FNDC3A: variants seen among roughly 807,000 people sequenced by gnomAD.
FNDC3A encodes the protein fibronectin type-III domain-containing protein 3A.
A neutral mutation model predicts 148.9 loss-of-function variants in FNDC3A; 32 were observed. The observed-to-expected ratio is 0.21, with a 90% confidence interval of 0.16 to 0.29. The LOEUF (loss-of-function observed/expected upper bound fraction) is 0.29. FNDC3A is among the 10% of genes least tolerant of loss of function. FNDC3A has a pLI of 1.00. For missense variants in FNDC3A, 1,191 were observed against 1,452.8 expected (o/e 0.82, Z 2.93); for synonymous variants, 472 against 473.6 (o/e 1.00, Z 0.04).
chr13:48,979,947 T>G (rs1951668403), intron 1 of FNDC3A, among the ~76,000 whole-genome samples: 2 of 152,144 alleles, frequency 1.3e-5, no homozygotes, highest in Admixed American at 6.5e-5. Flanking sequence ...GACTGCTAGG[T>G]AATAATTGGC....
intron 1 of FNDC3A, among the ~76,000 whole-genome samples, chr13:48,978,582 G>T (rs537757403): frequency 1.9e-4 from 29 of 152,154 alleles, no homozygotes; most frequent in African/African-American, 6.3e-4. Flanking sequence ...TTTGAGAATG[G>T]TGTAGGGATA....
At chr13:49,196,725 A>G (rs1886173305) in intron 19 of FNDC3A, 152 bp from the exon 20 acceptor site, 1 of 459,040 alleles carries the variant, frequency 2.2e-6, no homozygotes, top group Non-Finnish European at 3.9e-6. Context: ...AAGTCTTTTT[A>G]GTTAATGTGA....
intron 25 of FNDC3A, 30 bp from the exon 26 acceptor site, chr13:49,207,051 T>C: frequency 6.5e-7 from 1 of 1,541,940 alleles, no homozygotes; most frequent in East Asian, 2.3e-5. Context: ...CCTTCACACG[T>C]AATTCTTCCT....
At chr13:49,176,948 A>G (rs1274349450) in intron 13 of FNDC3A, among the ~76,000 whole-genome samples, 1 of 152,102 alleles carries the variant, frequency 6.6e-6, no homozygotes, top group African/African-American at 2.4e-5. Flanking sequence ...CTACAGGCAC[A>G]TGCCACCATG....
intron 1 of FNDC3A, among the ~76,000 whole-genome samples, chr13:48,994,746 C>G (rs1033571480): frequency 6.6e-6 from 1 of 151,010 alleles, no homozygotes; most frequent in Non-Finnish European, 1.5e-5. Context: ...CACTGCTCTC[C>G]AGCCTGGGTG....
intron 3 of FNDC3A, chr13:49,110,361 T>C (rs370272297): frequency 6.2e-7 from 1 of 1,612,290 alleles, no homozygotes; most frequent in Non-Finnish European, 8.5e-7. Flanking sequence ...TGTTTCCTTG[T>C]TGGATTTTCT....
chr13:49,118,916 G>C (rs115737666), intron 4 of FNDC3A, among the ~76,000 whole-genome samples: 1 of 152,210 alleles, frequency 6.6e-6, no homozygotes, highest in African/African-American at 2.4e-5. Flanking sequence ...GAAGGGGCAA[G>C]TGTGGGCACA....
intron 2 of FNDC3A, among the ~76,000 whole-genome samples, chr13:49,064,108 C>T (rs562481180): frequency 4.0e-5 from 6 of 151,856 alleles, no homozygotes; most frequent in African/African-American, 1.5e-4. Context: ...TTTGGGAGGC[C>T]GAGGTGGGCA....
At chr13:49,117,823 T>G (rs2137886790) in intron 4 of FNDC3A, among the ~76,000 whole-genome samples, 1 of 152,320 alleles carries the variant, frequency 6.6e-6, no homozygotes, top group East Asian at 1.9e-4. Flanking sequence ...CCACAGAAAG[T>G]CCTGGAACCA....
intron 2 of FNDC3A, among the ~76,000 whole-genome samples, chr13:49,026,851 A>G (rs892003424): frequency 6.6e-5 from 10 of 152,312 alleles, no homozygotes; most frequent in African/African-American, 1.7e-4. Flanking sequence ...CAATGAAAAG[A>G]TGAGAATAAT....
chr13:49,078,896 C>T (rs1475990989), intron 3 of FNDC3A, among the ~76,000 whole-genome samples: 2 of 152,154 alleles, frequency 1.3e-5, no homozygotes, highest in Admixed American at 1.3e-4. Context: ...CTAAGGCCAT[C>T]AAGTTAGGAA....
chr13:49,148,183 G>A (rs1883096754), intron 8 of FNDC3A, among the ~76,000 whole-genome samples: 1 of 152,106 alleles, frequency 6.6e-6, no homozygotes, highest in Admixed American at 6.6e-5. Flanking sequence ...TCTTCACTGT[G>A]TTGGTTGTTT....
chr13:49,143,422 T>G (rs1202377554), intron 7 of FNDC3A, among the ~76,000 whole-genome samples: 1 of 152,156 alleles, frequency 6.6e-6, no homozygotes, highest in Non-Finnish European at 1.5e-5. Flanking sequence ...TTTTAATTTA[T>G]TTTTAAAACT....
intron 2 of FNDC3A, among the ~76,000 whole-genome samples, chr13:49,073,711 ATG>A (rs201482626): frequency 1.4e-5 from 2 of 145,048 alleles, no homozygotes; most frequent in African/African-American, 5.2e-5. Flanking sequence ...TATAATATAT[ATG>A]TGTATATATA....
rs903424088 is a variant in FNDC3A, at chr13:49,015,011, A to G, written c.99+8722A>G. ...GTTTTGGTTACTGTGGCCTTGTAGT[A>G]TAGTTTGAAGTCAGGTAGCGTGATG... On this transcript the variant is annotated intron_variant, in intron 2 of 25. Coordinates refer to ENST00000492622, the MANE Select transcript of FNDC3A (RefSeq NM_001079673.2). Among the ~76,000 whole-genome samples, 20 of 151,950 alleles carry G rather than the reference A, an allele frequency of 1.3e-4. 1 individual carries two copies. In the South Asian group the frequency reaches 4.0e-3, roughly 30 times the overall value.
chr13:49,191,307 G>A lies in FNDC3A; in HGVS notation c.2149G>A (p.Glu717Lys). The change falls in exon 19 of 26, where the codon GAA becomes AAA. Residue 717 changes from glutamate (E) to lysine (K), a missense_variant. Around this residue, in one of 3 missense-constraint regions of FNDC3A, gnomAD observed 751 missense variants for 944.0 expected, o/e 0.80. Transcript: ENST00000492622. The part of the protein sequence containing the change: ...DEPREVYQGS[E>K]VECTVSSLLP... ...ACCTAGAGAAGTTTACCAAGGTTCT[G>A]AAGTAGAATGTACAGTGAGCAGCCT... 6.2e-7 allele frequency: 1 copy of A among 1,613,770 alleles called. No individual in the cohort carries two copies. Among genetic ancestry groups the A allele is most frequent in the Non-Finnish European group, 8.5e-7 (1 of 1,179,876 alleles).
intron 4 of FNDC3A, among the ~76,000 whole-genome samples, chr13:49,122,647 A>G (rs544037969): frequency 1.3e-5 from 2 of 152,210 alleles, no homozygotes; most frequent in Non-Finnish European, 2.9e-5. Flanking sequence ...AACTTCAGCA[A>G]AGTCTCAGGA....
intron 1 of FNDC3A, among the ~76,000 whole-genome samples, chr13:48,980,022 TG>T (rs1333928581): frequency 6.6e-6 from 1 of 152,128 alleles, no homozygotes; most frequent in Admixed American, 6.5e-5. Flanking sequence ...TATGGTGGTT[TG>T]GGCGTTTTAT....
chr13:49,160,375 G>A (rs1426957916), intron 8 of FNDC3A, among the ~76,000 whole-genome samples: 4 of 151,778 alleles, frequency 2.6e-5, no homozygotes, highest in Non-Finnish European at 2.9e-5. Flanking sequence ...GAATTTATCT[G>A]TTTCTTCTAG....
Sources: allele counts gnomAD v4.1 joint callset (sites outside exome capture counted in the v4.1 genomes callset), GRCh38; gene constraint gnomAD v4.1.1; regional missense constraint gnomAD v4.1.1; transcripts MANE v1.5; gene names NCBI Gene and HGNC (gene_info 2026-07-23, HGNC 2026-07-21).